FRMPD4: variants seen among roughly 807,000 people sequenced by gnomAD.
FRMPD4 encodes the protein FERM and PDZ domain containing 4.
In FRMPD4, 22 loss-of-function variants were observed where a neutral mutation model predicts 94.1. That is an observed-to-expected ratio of 0.23 (90% CI 0.17 to 0.33). The LOEUF (loss-of-function observed/expected upper bound fraction) is 0.33, where lower values mean the gene tolerates loss of function less well. FRMPD4 is among the 10% of genes least tolerant of loss of function. FRMPD4 has a pLI of 1.00. For synonymous variants in FRMPD4, 631 were observed against 548.6 expected (o/e 1.15, Z -2.10); for missense variants, 1,111 against 1,339.9 (o/e 0.83, Z 2.67).
chrX:12,639,066 C>T (rs1417433329), intron 4 of FRMPD4, among the ~76,000 whole-genome samples: 1 of 111,894 alleles, frequency 8.9e-6, no homozygotes, highest in Non-Finnish European at 1.9e-5. Context: ...TTTCCTTCCA[C>T]ATGGATACTG....
chrX:12,621,332 A>C (rs772042653), intron 4 of FRMPD4, among the ~76,000 whole-genome samples: 1 of 111,760 alleles, frequency 8.9e-6, no homozygotes, highest in Non-Finnish European at 1.9e-5. Flanking sequence ...ATCACGAAGA[A>C]TCAAGCAAAC....
intron 1 of FRMPD4, among the ~76,000 whole-genome samples, chrX:12,254,905 A>C (rs1040417511): frequency 2.7e-5 from 3 of 110,209 alleles, no homozygotes; most frequent in Non-Finnish European, 5.7e-5. Context: ...CCCTCACTCC[A>C]TACAGCACAG....
intron 2 of FRMPD4, among the ~76,000 whole-genome samples, chrX:12,608,283 T>A (rs1384563387): frequency 4.4e-5 from 5 of 112,864 alleles, no homozygotes; most frequent in Non-Finnish European, 9.4e-5. Flanking sequence ...GACAATAAAC[T>A]AGTATTTTGA....
At chrX:12,328,388 G>C (rs1234736904) in intron 1 of FRMPD4, among the ~76,000 whole-genome samples, 1 of 111,883 alleles carries the variant, frequency 8.9e-6, no homozygotes, top group Non-Finnish European at 1.9e-5. Context: ...ACAGATGACA[G>C]ATCACATGGG....
intron 1 of FRMPD4, among the ~76,000 whole-genome samples, chrX:12,193,817 AGGAAGGAAGGAGGG>A (rs1569186651): frequency 0.01 from 333 of 33,189 alleles, 67 homozygotes; most frequent in African/African-American, 0.038. Context: ...GAAGGAAGGA[AGGAAGGAAGGAGGG>A]AAGGAAGAAA....
At chrX:12,147,339 G>A (rs1023905932) in intron 1 of FRMPD4, among the ~76,000 whole-genome samples, 1 of 111,897 alleles carries the variant, frequency 8.9e-6, no homozygotes, top group Non-Finnish European at 1.9e-5. Context: ...TTTGGTAGGA[G>A]AATGCCTTTA....
intron 1 of FRMPD4, among the ~76,000 whole-genome samples, chrX:12,255,014 C>T (rs1249703951): frequency 1.9e-4 from 21 of 111,458 alleles, no homozygotes; most frequent in Admixed American, 1.5e-3. Context: ...CAGGATTTGC[C>T]CTTCCGCAAT....
At chrX:12,291,911 A>G (rs936864649) in intron 1 of FRMPD4, among the ~76,000 whole-genome samples, 8 of 112,069 alleles carry the variant, frequency 7.1e-5, no homozygotes, top group African/African-American at 2.6e-4. Flanking sequence ...ATTTTCCTAC[A>G]AAAGAAACAG....
intron 13 of FRMPD4, among the ~76,000 whole-genome samples, chrX:12,708,468 C>CA (rs35569007): frequency 0.33 from 19,532 of 59,022 alleles, 2,193 homozygotes; most frequent in Middle Eastern, 0.46. Flanking sequence ...GACTCCATCT[C>CA]AAAAAAAAAA....
intron 2 of FRMPD4, among the ~76,000 whole-genome samples, chrX:12,550,445 A>G (rs1306823000): frequency 9.0e-6 from 1 of 111,554 alleles, no homozygotes; most frequent in Non-Finnish European, 1.9e-5. Context: ...GAATATTTAA[A>G]AAGATCATGA....
chrX:12,419,727 A>G lies in FRMPD4; in HGVS notation c.42-78953A>G, dbSNP rs760310946. 6.3e-5 allele frequency among the ~76,000 whole-genome samples: 7 copies of G among 111,583 alleles called. No homozygotes were observed. In the East Asian group the frequency reaches 1.7e-3, roughly 27 times the overall value. On this transcript the variant is annotated intron_variant, in intron 1 of 16. Transcript: ENST00000675598. ...CCAAATTCAAGGGCAAGTCCTTACT[A>G]GACTTCTGGGAATCATTCACACTGT...
intron 1 of FRMPD4, among the ~76,000 whole-genome samples, chrX:12,247,526 C>T (rs771320018): frequency 5.4e-4 from 60 of 111,854 alleles, no homozygotes; most frequent in Non-Finnish European, 1.0e-3. Flanking sequence ...AGGGGATAAA[C>T]TCAGACCAGC....
chrX:11,841,200 T>C, intron 1 of FRMPD4, among the ~76,000 whole-genome samples: 1 of 109,009 alleles, frequency 9.2e-6, no homozygotes, highest in Admixed American at 9.8e-5. Flanking sequence ...AGTGCCACAA[T>C]AAACATACGT....
intron 1 of FRMPD4, among the ~76,000 whole-genome samples, chrX:12,482,648 A>G (rs1209398749): frequency 1.8e-5 from 2 of 112,533 alleles, no homozygotes; most frequent in Non-Finnish European, 3.8e-5. Context: ...CATGTATGTT[A>G]TTTTAAATTT....
At chrX:12,220,095 C>G (rs760990808) in intron 1 of FRMPD4, among the ~76,000 whole-genome samples, 1 of 111,494 alleles carries the variant, frequency 9.0e-6, no homozygotes, top group South Asian at 3.8e-4. Context: ...GAGCGGAGAT[C>G]GCACCATTGC....
At chrX:12,611,650 T>A (rs1315881772) in intron 3 of FRMPD4, among the ~76,000 whole-genome samples, 2 of 112,708 alleles carry the variant, frequency 1.8e-5, no homozygotes, top group Non-Finnish European at 3.8e-5. Flanking sequence ...AGCGTCCTGG[T>A]ATAGATTTTA....
chrX:12,498,463 A>C (rs2148223754), intron 1 of FRMPD4: 1 of 425,068 alleles, frequency 2.4e-6, no homozygotes, highest in African/African-American at 2.5e-5. Context: ...AAAGGCAGGC[A>C]CCTAGAAAAT....
chrX:11,859,389 T>C (rs1445335302), intron 1 of FRMPD4, among the ~76,000 whole-genome samples: 1 of 112,237 alleles, frequency 8.9e-6, no homozygotes, highest in Non-Finnish European at 1.9e-5. Context: ...TTGTAAAATA[T>C]ATTTACCTTT....
chrX:11,943,588 C>A (rs1023191504), intron 3 of FRMPD4, among the ~76,000 whole-genome samples: 5 of 110,373 alleles, frequency 4.5e-5, no homozygotes, highest in African/African-American at 1.7e-4. Flanking sequence ...GATAACTGAC[C>A]CACTCCCAAG....
Sources: gnomAD v4.1 joint callset for allele counts (sites outside exome capture counted in the v4.1 genomes callset) on GRCh38, gnomAD v4.1.1 for gene constraint, MANE v1.5 for transcripts, NCBI Gene and HGNC (gene_info 2026-07-23, HGNC 2026-07-21) for gene names.